Variants in RAF1 observed in about 807,000 individuals in gnomAD.
The protein encoded by RAF1 is RAF proto-oncogene serine/threonine-protein kinase.
RAF1 carries 27 observed loss-of-function variants against 81.1 expected under a neutral mutation model. That is an observed-to-expected ratio of 0.33 (90% CI 0.25 to 0.46). The LOEUF is 0.46. RAF1 is among the 20% of genes least tolerant of loss of function. The pLI, the probability that RAF1 is intolerant of heterozygous loss-of-function variation, is 1.00. For missense variants in RAF1, 598 were observed against 826.0 expected, an observed-to-expected ratio of 0.72 and a Z score of 3.38; for synonymous variants, 298 against 294.0, an observed-to-expected ratio of 1.01 and a Z score of -0.14.
At chr3:12,622,216 AG>A (rs2059576751) in intron 1 of RAF1, among the ~76,000 whole-genome samples, 2 of 152,060 alleles carry the variant, frequency 1.3e-5, no homozygotes, top group South Asian at 4.1e-4. Context: ...AAGATGGAGG[AG>A]CTTAAGACCA....
At chr3:12,649,450 T>C (rs992522093) in intron 1 of RAF1, among the ~76,000 whole-genome samples, 15 of 152,030 alleles carry the variant, frequency 9.9e-5, no homozygotes, top group African/African-American at 3.4e-4. Flanking sequence ...TAAAACAAAA[T>C]TAGCTGGGCA....
At chr3:12,625,314 C>G (rs896831518) in intron 1 of RAF1, among the ~76,000 whole-genome samples, 1 of 152,132 alleles carries the variant, frequency 6.6e-6, no homozygotes, top group Admixed American at 6.6e-5. Context: ...AACTCCCAAC[C>G]TCAGGTGATC....
rs187687732 is a variant in RAF1 at position 12,649,157 on chromosome 3, T to A, written c.-27+14656A>T. On this transcript the variant is annotated intron_variant, in intron 1 of 17. Transcript: ENST00000442415. ...GAAAAGAAAAAGAAAAATTCCCTAG[T>A]CTTTAGTGGTGCGCTCAATAGTAAA... Among the ~76,000 whole-genome samples the A allele has an allele frequency of 1.9e-3, 284 of 152,108 alleles. 2 individuals are homozygous for A. Among genetic ancestry groups the A allele is most frequent in the South Asian group, 7.5e-3 (36 of 4,816 alleles).
At chr3:12,593,600 CTA>C (rs572062502) in intron 11 of RAF1, among the ~76,000 whole-genome samples, 207 of 152,204 alleles carry the variant, frequency 1.4e-3, no homozygotes, top group African/African-American at 4.8e-3. Context: ...GAGATCCACA[CTA>C]TGTTTGGAGC....
intron 11 of RAF1, among the ~76,000 whole-genome samples, chr3:12,593,769 A>G (rs2058596556): frequency 6.7e-6 from 1 of 149,640 alleles, no homozygotes; most frequent in Non-Finnish European, 1.5e-5. Flanking sequence ...GAGTTCCCCA[A>G]GATGGGGGAG....
intron 1 of RAF1, among the ~76,000 whole-genome samples, chr3:12,628,911 T>A (rs2125490405): frequency 6.6e-6 from 1 of 151,818 alleles, no homozygotes; most frequent in East Asian, 1.9e-4. Flanking sequence ...GCCACCATGC[T>A]GGCTAATTTT....
At chr3:12,612,760 T>G (rs780351741) in intron 2 of RAF1, among the ~76,000 whole-genome samples, 1 of 152,184 alleles carries the variant, frequency 6.6e-6, no homozygotes, top group Non-Finnish European at 1.5e-5. Flanking sequence ...AGAAAGTGGT[T>G]AAGAAAGATA....
intron 14 of RAF1, among the ~76,000 whole-genome samples, chr3:12,586,315 C>T (rs571768013): frequency 4.6e-5 from 7 of 152,126 alleles, no homozygotes; most frequent in South Asian, 2.1e-4. Context: ...TCACTAGAAT[C>T]GGTACCACTC....
intron 11 of RAF1, among the ~76,000 whole-genome samples, chr3:12,595,874 A>G (rs1203404529): frequency 7.2e-6 from 1 of 138,842 alleles, no homozygotes; most frequent in Admixed American, 7.4e-5. Flanking sequence ...AAACTCCTTA[A>G]GTTTCTTTTT....
At chr3:12,626,285 AT>A (rs1156906011) in intron 1 of RAF1, among the ~76,000 whole-genome samples, 1 of 150,148 alleles carries the variant, frequency 6.7e-6, no homozygotes, top group Non-Finnish European at 1.5e-5. Flanking sequence ...TAAAAAAAAA[AT>A]TTTTTTTAAT....
chr3:12,627,786 C>G (rs143774584), intron 1 of RAF1, among the ~76,000 whole-genome samples: 73 of 152,334 alleles, frequency 4.8e-4, no homozygotes, highest in African/African-American at 1.7e-3. Context: ...TCTATAATCT[C>G]TCAACTGCAT....
At chr3:12,646,520 C>T (rs918958186) in intron 1 of RAF1, among the ~76,000 whole-genome samples, 17 of 151,680 alleles carry the variant, frequency 1.1e-4, no homozygotes, top group Non-Finnish European at 2.2e-4. Flanking sequence ...ACTACAGGTG[C>T]GCACCACCAA....
chr3:12,608,416 G>C (rs1384124194), intron 5 of RAF1: 4 of 259,166 alleles, frequency 1.5e-5, no homozygotes, highest in African/African-American at 6.6e-5. Context: ...ACAAAATACA[G>C]AGCAGTGTCT....
intron 1 of RAF1, among the ~76,000 whole-genome samples, chr3:12,653,845 G>A (rs886517794): frequency 6.6e-6 from 1 of 152,060 alleles, no homozygotes; most frequent in Non-Finnish European, 1.5e-5. Flanking sequence ...AGTACCACTA[G>A]TGATGCTGGA....
intron 1 of RAF1, among the ~76,000 whole-genome samples, chr3:12,632,223 C>G (rs936729387): frequency 6.7e-6 from 1 of 149,324 alleles, no homozygotes; most frequent in Non-Finnish European, 1.5e-5. Flanking sequence ...ACTCGGGAGG[C>G]TGAGGCAGGT....
intron 1 of RAF1, among the ~76,000 whole-genome samples, chr3:12,624,885 C>CAAAAAAAA (rs11298876): frequency 9.3e-4 from 104 of 111,644 alleles, no homozygotes; most frequent in African/African-American, 3.3e-3. Flanking sequence ...GACTCCAACT[C>CAAAAAAAA]AAAAAAAAAA....
chr3:12,584,149 G>T lies in RAF1; in HGVS notation c.*365C>A. ...CAAAATCCCATGTGTCTCCACATCA[G>T]GGCTGGACTGCCTGCTACCTTACTT... On this transcript the variant is annotated 3_prime_UTR_variant, in exon 18 of 18. Coordinates refer to ENST00000442415, the MANE Select transcript of RAF1 (RefSeq NM_001354689.3). 1 of 385,378 alleles carries T rather than the reference G, an allele frequency of 2.6e-6. No homozygotes were observed. The highest frequency in any genetic ancestry group is 4.9e-6 in the Non-Finnish European group (1 of 204,462). The allele number at this position is 385,378 out of a possible 1,614,324, so 23.9% of individuals were successfully genotyped here.
chr3:12,639,212 GGACGTATCTCAAAATAATAAGA>G (rs1221412013), intron 1 of RAF1, among the ~76,000 whole-genome samples: 2 of 152,164 alleles, frequency 1.3e-5, no homozygotes, highest in East Asian at 3.9e-4. Context: ...GGTATTGATG[GGACGTATCTCAAAATAATAAGA>G]GCTATTTATG....
rs34541887 is a variant in RAF1 at position 12,591,925 on chromosome 3, A to AT, written c.1169-134dup. 137,056 of 616,948 alleles carry AT rather than the reference A, an allele frequency of 0.22. 1,826 individuals carry two copies. The highest frequency in any genetic ancestry group is 0.25 in the Non-Finnish European group (87,550 of 345,044). 38.2% of individuals were successfully genotyped at this position (616,948 alleles called of 1,614,324 possible). ...CCTACACAGATACGGCAAATTTCCA[A>AT]TTTTTTTTTTTTTTTTGAGACAGGG... On this transcript the variant is annotated intron_variant, in intron 11 of 17. Coordinates refer to ENST00000442415, the MANE Select transcript of RAF1 (RefSeq NM_001354689.3).
Sources: allele counts gnomAD v4.1 joint callset (sites outside exome capture counted in the v4.1 genomes callset), GRCh38; gene constraint gnomAD v4.1.1; transcripts MANE v1.5; gene names NCBI Gene and HGNC (gene_info 2026-07-23, HGNC 2026-07-21).